The following CYP11A1 variants were observed in gnomAD, a reference collection of about 807,000 sequenced individuals.
The protein encoded by CYP11A1 is cholesterol side-chain cleavage enzyme, mitochondrial.
CYP11A1 carries 25 observed loss-of-function variants against 51.9 expected under a neutral mutation model. The observed-to-expected ratio is 0.48, with a 90% CI of 0.35 to 0.67. CYP11A1 has a LOEUF of 0.67. Among genes scored for constraint, CYP11A1 ranks in the 30% least tolerant of loss-of-function variants. The pLI, the probability that CYP11A1 is intolerant of heterozygous loss-of-function variation, is 0.00. For synonymous variants in CYP11A1, 245 were observed against 262.1 expected (o/e 0.93, Z 0.63); for missense variants, 578 against 680.9 (o/e 0.85, Z 1.68).
chr15:74,349,195 T>A (rs1596162697), intron 1 of CYP11A1, among the ~76,000 whole-genome samples: 1 of 152,220 alleles, frequency 6.6e-6, no homozygotes, highest in South Asian at 2.1e-4. Flanking sequence ...CTCTGACTTC[T>A]AGTTTCCAGA....
intron 4 of CYP11A1, 129 bp downstream of exon 4, chr15:74,343,660 C>G (rs1460396359): frequency 1.2e-6 from 1 of 844,540 alleles, no homozygotes; most frequent in Non-Finnish European, 2.0e-6. Context: ...CTTCCTGACA[C>G]CCACGCCTGC....
rs1291142334 is a variant in CYP11A1, at chr15:74,348,069, G to T, written c.270-14C>A. The T allele has an allele frequency of 6.2e-7, 1 of 1,613,816 alleles. No individual in the cohort carries two copies. The highest frequency in any genetic ancestry group is 2.2e-5 in the East Asian group (1 of 44,882). On this transcript the variant is annotated splice_polypyrimidine_tract_variant and intron_variant, in intron 1 of 8. Coordinates refer to ENST00000268053, the MANE Select transcript of CYP11A1 (RefSeq NM_000781.3). Reference sequence around the variant, plus strand: ...CCGAGCTTCTCCCTGGAGGGGTGGGGGAGAGGGGCTGATGGAAGGATCCGA... The same window carrying T: ...CCGAGCTTCTCCCTGGAGGGGTGGGTGAGAGGGGCTGATGGAAGGATCCGA...
chr15:74,338,458 C>G, intron 8 of CYP11A1, 113 bp downstream of exon 8: 1 of 1,106,412 alleles, frequency 9.0e-7, no homozygotes, highest in Admixed American at 1.8e-5. Context: ...GAGGTAGATG[C>G]GCCCCAGCAC....
chr15:74,342,424 G>T (rs369427753), intron 5 of CYP11A1, among the ~76,000 whole-genome samples: 4 of 152,310 alleles, frequency 2.6e-5, no homozygotes, highest in African/African-American at 9.6e-5. Context: ...AGTTTCTAGG[G>T]TGCCATGCTG....
At chr15:74,344,210 G>A (rs1357958872) in intron 3 of CYP11A1, among the ~76,000 whole-genome samples, 11 of 152,212 alleles carry the variant, frequency 7.2e-5, no homozygotes, top group Non-Finnish European at 1.5e-4. Flanking sequence ...TCCTGCAGAG[G>A]GGCATGTGGA....
chr15:74,364,852 G>A lies in CYP11A1; in HGVS notation c.269+2465C>T, dbSNP rs1441889521. On this transcript the variant is annotated intron_variant, in intron 1 of 8. Transcript: ENST00000268053. The stretch of plus-strand genomic sequence containing the variant: ...GGGGGAGGAAGGAGAGACCCAGCGG[G>A]GCGCAACCTCCCAAGCCCAGCACTC... 2.0e-5 allele frequency among the ~76,000 whole-genome samples: 3 copies of A among 152,140 alleles called. No homozygotes were observed. In the East Asian group the frequency reaches 5.8e-4, roughly 29 times the overall value.
Position 74,353,619 on chromosome 15 carries a change from T to G in CYP11A1, c.270-5564A>C, listed in dbSNP as rs186519283. Among the ~76,000 whole-genome samples, 72 of 152,318 alleles carry G rather than the reference T, an allele frequency of 4.7e-4. 1 individual carries two copies. The highest frequency in any genetic ancestry group is 4.2e-3 in the Admixed American group (65 of 15,298). Reference sequence around the variant, plus strand: ...TGAATTGTGTATCAGGAATAAAATATTCATTATGTGGGTTTTTGGGGGCCC... The same window carrying G: ...TGAATTGTGTATCAGGAATAAAATAGTCATTATGTGGGTTTTTGGGGGCCC... On this transcript the variant is annotated intron_variant, in intron 1 of 8. Coordinates refer to ENST00000268053, the MANE Select transcript of CYP11A1 (RefSeq NM_000781.3).
chr15:74,353,443 G>A (rs576022316), intron 1 of CYP11A1, among the ~76,000 whole-genome samples: 1 of 152,238 alleles, frequency 6.6e-6, no homozygotes, highest in South Asian at 2.1e-4. Context: ...TGGATTTAGT[G>A]TGGAACCAAA....
chr15:74,341,519 G>A lies in CYP11A1; in HGVS notation c.990+1458C>T, dbSNP rs976326737. Among the ~76,000 whole-genome samples, 7 of 152,132 alleles carry A rather than the reference G, an allele frequency of 4.6e-5. No individual in the cohort carries two copies. The East Asian group carries it at 5.8e-4, about 13-fold the overall frequency. ...TGGCAACAGCCTGCAAGACACGCAC[G>A]TTGAATTTTAGCTCCTCTGTGGAGC... On this transcript the variant is annotated intron_variant, in intron 5 of 8. Coordinates refer to ENST00000268053, the MANE Select transcript of CYP11A1 (RefSeq NM_000781.3).
In CYP11A1 at chr15:74,342,987, C is replaced by G; in HGVS notation, c.980G>C (p.Gly327Ala). Residue 327 changes from glycine to alanine, a missense_variant, in exon 5 of 9, where the codon GGG (glycine) becomes GCG (alanine). Transcript: ENST00000268053. ...CTACAGCCACCTCACCGTGTCCACC[C>G]CTCCTGCCAGCATCTCTGTGACGTT... ...KANVTEMLAG[G>A]VDTTSMTLQW... 2 of 1,612,352 alleles carry G rather than the reference C, an allele frequency of 1.2e-6. No homozygotes were observed. Among genetic ancestry groups the G allele is most frequent in the Non-Finnish European group, 1.7e-6 (2 of 1,180,008 alleles).
In CYP11A1 at chr15:74,343,023, T is replaced by A. The variant is rs746035815; in HGVS notation, c.944A>T (p.Asp315Val). The A allele has an allele frequency of 1.2e-6, 2 of 1,613,066 alleles. No individual in the cohort carries two copies. Among genetic ancestry groups the A allele is most frequent in the African/African-American group, 1.3e-5 (1 of 75,020 alleles). ...LLGDSKMSFE[D>V]IKANVTEMLA... is the part of the protein sequence containing the mutation. Reference sequence around the variant, plus strand: ...CATCTCTGTGACGTTGGCCTTGATGTCCTCGAAGGACATCTTGCTGTCTCC... The same window carrying A: ...CATCTCTGTGACGTTGGCCTTGATGACCTCGAAGGACATCTTGCTGTCTCC... Residue 315 changes from aspartate (D) to valine (V), a missense_variant, in exon 5 of 9, where the codon GAC becomes GTC. By Grantham distance (152) the Asp-to-Val change is radical (BLOSUM62 -3). Coordinates refer to ENST00000268053, the MANE Select transcript of CYP11A1 (RefSeq NM_000781.3).
chr15:74,355,036 C>T (rs115956792), intron 1 of CYP11A1, among the ~76,000 whole-genome samples: 15 of 152,150 alleles, frequency 9.9e-5, no homozygotes, highest in Non-Finnish European at 1.6e-4. Flanking sequence ...CCCTTCTCTC[C>T]GTGTCTCTAC....
At chr15:74,353,533 G>A (rs928090961) in intron 1 of CYP11A1, among the ~76,000 whole-genome samples, 4 of 152,048 alleles carry the variant, frequency 2.6e-5, no homozygotes, top group East Asian at 1.9e-4. Context: ...TTGGTCATAC[G>A]CCTAAAGTGA....
At chr15:74,365,978 T>C in intron 1 of CYP11A1, 1 of 975,584 alleles carries the variant, frequency 1.0e-6, no homozygotes, top group South Asian at 4.6e-5. Context: ...ACCTAGGACC[T>C]GCGGTGGGGC....
At position 74,337,898 on chromosome 15, in the gene CYP11A1, A is replaced by T; in HGVS notation, c.*74T>A. On this transcript the variant is annotated 3_prime_UTR_variant, in exon 9 of 9. Transcript: ENST00000268053. ...AAAGGAGCAGGACTTGGGACAGACG[A>T]CTGAAGATGCAGAGACCCCATGGGC... 6.3e-7 allele frequency: 1 copy of T among 1,599,004 alleles called. No individual in the cohort carries two copies. The highest frequency in any genetic ancestry group is 2.2e-5 in the East Asian group (1 of 44,738).
intron 5 of CYP11A1, among the ~76,000 whole-genome samples, chr15:74,340,835 C>A (rs914258037): frequency 6.6e-6 from 1 of 152,024 alleles, no homozygotes; most frequent in Non-Finnish European, 1.5e-5. Flanking sequence ...CTCCCCAATA[C>A]CCCACTCCCC....
intron 4 of CYP11A1, among the ~76,000 whole-genome samples, chr15:74,343,536 G>A (rs541170352): frequency 1.3e-5 from 2 of 152,158 alleles, no homozygotes; most frequent in Non-Finnish European, 2.9e-5. Flanking sequence ...GCCCTCTGGG[G>A]AGCATGAGCT....
chr15:74,357,295 T>A (rs1255620171), intron 1 of CYP11A1, among the ~76,000 whole-genome samples: 2 of 152,130 alleles, frequency 1.3e-5, no homozygotes, highest in Admixed American at 1.3e-4. Flanking sequence ...CTGCTGCAAG[T>A]CTTCACGGAC....
At chr15:74,338,502 A>G (rs149795879) in intron 8 of CYP11A1, 69 bp downstream of exon 8, 29 of 1,475,264 alleles carry the variant, frequency 2.0e-5, no homozygotes, top group Middle Eastern at 3.5e-4. Context: ...AGATAGGAGG[A>G]GGAAGATTGG....
Sources: gnomAD v4.1 joint callset for allele counts (sites outside exome capture counted in the v4.1 genomes callset) on GRCh38, gnomAD v4.1.1 for gene constraint, MANE v1.5 for transcripts, NCBI Gene and HGNC (gene_info 2026-07-23, HGNC 2026-07-21) for gene names.